TTLL5: variants seen among roughly 807,000 people sequenced by gnomAD.
TTLL5 encodes the protein tubulin polyglutamylase TTLL5.
In TTLL5, 132 loss-of-function variants were observed where a neutral mutation model predicts 168.4. That is an observed-to-expected ratio of 0.78 (90% CI 0.68 to 0.91). The LOEUF (loss-of-function observed/expected upper bound fraction) is 0.91. Among genes scored for constraint, TTLL5 ranks in the 40% least tolerant of loss-of-function variants. The probability of loss-of-function intolerance (pLI) is 0.00; values close to 1 mark genes in which losing one functional copy is unlikely to be tolerated. For missense variants in TTLL5, 1,545 were observed against 1,581.5 expected, an observed-to-expected ratio of 0.98 and a Z score of 0.39; for synonymous variants, 546 against 558.6, an observed-to-expected ratio of 0.98 and a Z score of 0.32.
chr14:75,947,602 T>C (rs1435780530), intron 31 of TTLL5, among the ~76,000 whole-genome samples: 1 of 152,218 alleles, frequency 6.6e-6, no homozygotes, highest in Non-Finnish European at 1.5e-5. Context: ...TGTAACTCAG[T>C]AATTGCTAGA....
At chr14:75,793,980 T>C (rs1443491840) in intron 27 of TTLL5, among the ~76,000 whole-genome samples, 1 of 152,226 alleles carries the variant, frequency 6.6e-6, no homozygotes, top group Non-Finnish European at 1.5e-5. Flanking sequence ...TGAAAATTAC[T>C]TTAAGTACAT....
intron 30 of TTLL5, among the ~76,000 whole-genome samples, chr14:75,900,294 G>A (rs966624353): frequency 2.0e-5 from 3 of 152,156 alleles, no homozygotes; most frequent in Non-Finnish European, 2.9e-5. Context: ...AAAGTGGAAA[G>A]GAGAGGGTAG....
chr14:75,818,840 CTTAGGGCAAAATTTATTT>C, intron 27 of TTLL5, among the ~76,000 whole-genome samples: 1 of 152,110 alleles, frequency 6.6e-6, no homozygotes, highest in Non-Finnish European at 1.5e-5. Flanking sequence ...TATTGTCTTA[CTTAGGGCAAAATTTATTT>C]AACAATATTG....
chr14:75,850,994 G>A (rs1267989963), intron 28 of TTLL5, among the ~76,000 whole-genome samples: 9 of 151,468 alleles, frequency 5.9e-5, no homozygotes, highest in East Asian at 3.9e-4. Context: ...CTCAGGAGGC[G>A]GAGGTGGCGG....
At chr14:75,729,885 C>G (rs548734697) in intron 12 of TTLL5, among the ~76,000 whole-genome samples, 1 of 152,156 alleles carries the variant, frequency 6.6e-6, no homozygotes, top group African/African-American at 2.4e-5. Context: ...AACTGAGATT[C>G]TTGGAATTTG....
At chr14:75,945,460 T>A (rs965204284) in intron 31 of TTLL5, among the ~76,000 whole-genome samples, 1 of 151,862 alleles carries the variant, frequency 6.6e-6, no homozygotes, top group South Asian at 2.1e-4. Context: ...TGTCACCATG[T>A]TGGTCAGGAT....
At position 75,954,752 on chromosome 14, in the gene TTLL5, C is replaced by T. The variant is rs1244777617; in HGVS notation, c.*306C>T. 2 of 427,374 alleles carry T rather than the reference C, an allele frequency of 4.7e-6. No individual in the cohort carries two copies. Among genetic ancestry groups the T allele is most frequent in the East Asian group, 7.2e-5 (2 of 27,904 alleles). The allele number at this position is 427,374 out of a possible 1,614,324, so 26.5% of individuals were successfully genotyped here. The stretch of plus-strand genomic sequence containing the variant: ...TTACCTTCCCTTTGCCCCATGCCCC[C>T]AAACTGCTTAGGTCTTCTCTGTCCC... On this transcript the variant is annotated 3_prime_UTR_variant, in exon 32 of 32. Coordinates refer to ENST00000298832, the MANE Select transcript of TTLL5 (RefSeq NM_015072.5).
intron 31 of TTLL5, among the ~76,000 whole-genome samples, chr14:75,917,692 G>A (rs572383950): frequency 5.9e-5 from 9 of 152,358 alleles, no homozygotes; most frequent in African/African-American, 2.2e-4. Context: ...GGTGATCTGG[G>A]ATCTTTCCCA....
intron 17 of TTLL5, among the ~76,000 whole-genome samples, chr14:75,748,578 G>A (rs1566586991): frequency 6.6e-6 from 1 of 152,168 alleles, no homozygotes; most frequent in African/African-American, 2.4e-5. Context: ...TAAATGGCCT[G>A]GTGCCACTCA....
chr14:75,909,348 A>G (rs1825682650), intron 31 of TTLL5, among the ~76,000 whole-genome samples: 1 of 148,440 alleles, frequency 6.7e-6, no homozygotes, highest in Non-Finnish European at 1.5e-5. Context: ...GCCCCCTGGA[A>G]TTATCTAAAC....
In TTLL5 at chr14:75,707,030, TCCCTG is replaced by T; in HGVS notation, c.599_603del (p.Ser200Ter). 1.2e-6 allele frequency: 2 copies of T among 1,609,584 alleles called. No individual in the cohort carries two copies. Among genetic ancestry groups the T allele is most frequent in the Non-Finnish European group, 1.7e-6 (2 of 1,177,284 alleles). ...CTTTACTCAATAGCCAAACCAGATC[TCCCTG>T]GAAGAGAACATTTTGGTCTCCCGTT... On this transcript the variant is annotated frameshift_variant, in exon 8 of 32. Coordinates refer to ENST00000298832, the MANE Select transcript of TTLL5 (RefSeq NM_015072.5). LOFTEE classifies it high-confidence loss of function.
chr14:75,709,547 G>A (rs899370524), intron 9 of TTLL5: 5 of 246,458 alleles, frequency 2.0e-5, no homozygotes, highest in African/African-American at 4.4e-5. Context: ...GAAACATCTC[G>A]CAGTTATTAG....
At chr14:75,929,419 A>G (rs189758787) in intron 31 of TTLL5, among the ~76,000 whole-genome samples, 252 of 146,902 alleles carry the variant, frequency 1.7e-3, no homozygotes, top group Non-Finnish European at 2.9e-3. Context: ...CATATTAAAG[A>G]CTCTGAAAAG....
intron 3 of TTLL5, among the ~76,000 whole-genome samples, chr14:75,680,937 G>T (rs1884563378): frequency 6.6e-6 from 1 of 152,166 alleles, no homozygotes; most frequent in African/African-American, 2.4e-5. Flanking sequence ...TAGAGCAGGG[G>T]TTTTTAACCT....
intron 31 of TTLL5, among the ~76,000 whole-genome samples, chr14:75,942,502 C>A (rs1429264918): frequency 6.6e-6 from 1 of 152,092 alleles, no homozygotes; most frequent in Non-Finnish European, 1.5e-5. Flanking sequence ...GCAGTATATG[C>A]AAGACAAAGT....
rs189061536 is a variant in TTLL5, at chr14:75,699,165, T to G, written c.503-23T>G. 9.0e-5 allele frequency: 143 copies of G among 1,596,782 alleles called. 2 individuals are homozygous for G. The East Asian group carries it at 2.6e-3, about 29-fold the overall frequency. ...TCTTTTTCTTTGTTTCCTCTGTTTT[T>G]TATCTCCCAATATTTTGAGCAGATT... On this transcript the variant is annotated intron_variant, in intron 6 of 31. Transcript: ENST00000298832.
intron 3 of TTLL5, among the ~76,000 whole-genome samples, chr14:75,680,471 AAT>A (rs1404436580): frequency 1.3e-5 from 2 of 152,124 alleles, no homozygotes; most frequent in Non-Finnish European, 1.5e-5. Context: ...CAATGAATTC[AAT>A]TTCATTTTTA....
chr14:75,946,507 T>G (rs2034778290), intron 31 of TTLL5, among the ~76,000 whole-genome samples: 1 of 152,212 alleles, frequency 6.6e-6, no homozygotes, highest in Admixed American at 6.5e-5. Context: ...AATAAAAGTA[T>G]TGGCCCTTTC....
intron 21 of TTLL5, among the ~76,000 whole-genome samples, chr14:75,772,383 G>A (rs959876817): frequency 2.6e-5 from 4 of 152,188 alleles, no homozygotes; most frequent in African/African-American, 9.7e-5. Flanking sequence ...TTTCTGTCCT[G>A]AGGAGTCAAA....
Sources: gnomAD v4.1 joint callset for allele counts (sites outside exome capture counted in the v4.1 genomes callset) on GRCh38, gnomAD v4.1.1 for gene constraint, MANE v1.5 for transcripts, NCBI Gene and HGNC (gene_info 2026-07-23, HGNC 2026-07-21) for gene names.